The following SMOC1 variants were observed in gnomAD, a reference collection of about 807,000 sequenced individuals.
SMOC1 encodes SPARC-related modular calcium-binding protein 1.
In SMOC1, 22 loss-of-function variants were observed where a neutral mutation model predicts 56.3. The observed-to-expected ratio is 0.39, with a 90% CI of 0.28 to 0.56. SMOC1 has a LOEUF of 0.56. SMOC1 is among the 20% of genes least tolerant of loss of function. The pLI, the probability that SMOC1 is intolerant of heterozygous loss-of-function variation, is 0.61. For missense variants in SMOC1, 509 were observed against 565.4 expected, an observed-to-expected ratio of 0.90 and a Z score of 1.01; for synonymous variants, 193 against 215.0, an observed-to-expected ratio of 0.90 and a Z score of 0.89.
At chr14:70,027,091 A>G (rs112015029) in intron 11 of SMOC1, among the ~76,000 whole-genome samples, 1,681 of 152,278 alleles carry the variant, frequency 0.011, 29 homozygotes, top group African/African-American at 0.039. Context: ...TCTCCATTTC[A>G]ACACACACCA....
chr14:70,007,956 GTC>G (rs1219570956), intron 7 of SMOC1, among the ~76,000 whole-genome samples: 10 of 152,108 alleles, frequency 6.6e-5, no homozygotes, highest in Admixed American at 4.6e-4. Flanking sequence ...AATCACTCCT[GTC>G]TCTTTCTTAG....
At chr14:69,912,440 C>T (rs542203035) in intron 1 of SMOC1, among the ~76,000 whole-genome samples, 17 of 152,226 alleles carry the variant, frequency 1.1e-4, no homozygotes, top group Admixed American at 2.0e-4. Flanking sequence ...TTTGTAGAGC[C>T]GGTGTTTTGC....
At chr14:69,919,739 T>C (rs1260128889) in intron 1 of SMOC1, among the ~76,000 whole-genome samples, 1 of 152,162 alleles carries the variant, frequency 6.6e-6, no homozygotes. Flanking sequence ...CCTCATTCAC[T>C]CTCCTGGCTG....
At chr14:70,018,899 G>A (rs1885614219) in intron 10 of SMOC1, among the ~76,000 whole-genome samples, 3 of 152,240 alleles carry the variant, frequency 2.0e-5, no homozygotes, top group Non-Finnish European at 4.4e-5. Flanking sequence ...AGCTGGCGGG[G>A]CCTGGACCCA....
intron 1 of SMOC1, among the ~76,000 whole-genome samples, chr14:69,919,261 C>T (rs1884767909): frequency 6.6e-6 from 1 of 152,158 alleles, no homozygotes. Context: ...TGCTCAGAAA[C>T]TCAGGTATTC....
At chr14:69,889,413 T>A (rs1883900256) in intron 1 of SMOC1, among the ~76,000 whole-genome samples, 1 of 152,232 alleles carries the variant, frequency 6.6e-6, no homozygotes, top group East Asian at 1.9e-4. Flanking sequence ...TATGATGGCA[T>A]GTGTCACCAT....
chr14:69,896,898 A>T (rs1366764111), intron 1 of SMOC1, among the ~76,000 whole-genome samples: 1 of 152,240 alleles, frequency 6.6e-6, no homozygotes, highest in African/African-American at 2.4e-5. Context: ...ATCTAAAGGA[A>T]GCTTGAGTAG....
At chr14:69,901,531 G>A (rs1884241948) in intron 1 of SMOC1, among the ~76,000 whole-genome samples, 1 of 152,124 alleles carries the variant, frequency 6.6e-6, no homozygotes, top group African/African-American at 2.4e-5. Flanking sequence ...GCCTATAATG[G>A]GGCTGTGGAA....
chr14:69,923,670 C>G (rs1359122254), intron 1 of SMOC1, among the ~76,000 whole-genome samples: 1 of 152,216 alleles, frequency 6.6e-6, no homozygotes, highest in Non-Finnish European at 1.5e-5. Flanking sequence ...AGCCCTTACT[C>G]TAGACTCCTA....
At chr14:69,948,752 G>GATA (rs1882886565) in intron 1 of SMOC1, among the ~76,000 whole-genome samples, 1 of 152,118 alleles carries the variant, frequency 6.6e-6, no homozygotes. Flanking sequence ...GAACTTATAC[G>GATA]TGACTTAGGA....
chr14:69,981,119 G>A (rs1179291812), intron 5 of SMOC1, among the ~76,000 whole-genome samples: 1 of 152,078 alleles, frequency 6.6e-6, no homozygotes, highest in Non-Finnish European at 1.5e-5. Flanking sequence ...AGGAGGAAGG[G>A]AGGAGAGAGA....
chr14:70,023,697 C>G (rs1885819574), intron 11 of SMOC1, among the ~76,000 whole-genome samples: 1 of 152,134 alleles, frequency 6.6e-6, no homozygotes, highest in Non-Finnish European at 1.5e-5. Flanking sequence ...TGAGAGTGTG[C>G]TAGGGTGGGC....
chr14:69,950,340 G>T (rs1205643706), intron 1 of SMOC1, among the ~76,000 whole-genome samples: 1 of 152,146 alleles, frequency 6.6e-6, no homozygotes, highest in African/African-American at 2.4e-5. Flanking sequence ...CCAGTGTGGG[G>T]TGTGTATTTC....
intron 1 of SMOC1, among the ~76,000 whole-genome samples, chr14:69,902,805 A>G (rs1295439592): frequency 1.3e-5 from 2 of 152,018 alleles, no homozygotes; most frequent in East Asian, 1.9e-4. Context: ...TTTTTGGTGG[A>G]GACGGGGTTT....
At position 69,893,704 on chromosome 14, in the gene SMOC1, T is replaced by G. The variant is rs531871960; in HGVS notation, c.99+13927T>G. Among the ~76,000 whole-genome samples the G allele has an allele frequency of 1.0e-3, 156 of 152,296 alleles. 1 individual carries two copies. The highest frequency in any genetic ancestry group is 3.7e-3 in the African/African-American group (152 of 41,570). On this transcript the variant is annotated intron_variant, in intron 1 of 11. Coordinates refer to ENST00000361956, the MANE Select transcript of SMOC1 (RefSeq NM_001034852.3). ...AACTGGCTTATACAGTGAAGGAGAT[T>G]CATTGGCTCAAGTAGCAGAAAGTAC...
At chr14:69,973,545 A>G (rs947649401) in intron 3 of SMOC1, among the ~76,000 whole-genome samples, 1 of 152,172 alleles carries the variant, frequency 6.6e-6, no homozygotes, top group Non-Finnish European at 1.5e-5. Flanking sequence ...AACCATGGCC[A>G]TGAGATGAAG....
At chr14:69,998,548 GAATTAGGTTTCATCT>G (rs1332828706) in intron 7 of SMOC1, among the ~76,000 whole-genome samples, 8 of 151,752 alleles carry the variant, frequency 5.3e-5, no homozygotes, top group Non-Finnish European at 8.8e-5. Flanking sequence ...TAAGTGACAA[GAATTAGGTTTCATCT>G]AATTCTTCAC....
intron 5 of SMOC1, among the ~76,000 whole-genome samples, chr14:69,985,027 C>T (rs1884316593): frequency 6.7e-6 from 1 of 148,896 alleles, no homozygotes; most frequent in African/African-American, 2.5e-5. Context: ...GAGTGAGACC[C>T]TGTCTCAAAA....
At chr14:69,901,039 T>C (rs909546967) in intron 1 of SMOC1, among the ~76,000 whole-genome samples, 6 of 152,356 alleles carry the variant, frequency 3.9e-5, no homozygotes, top group South Asian at 2.1e-4. Context: ...AAAAAGATGA[T>C]GTCCAATTCC....
Sources: gnomAD v4.1 joint callset for allele counts (sites outside exome capture counted in the v4.1 genomes callset) on GRCh38, gnomAD v4.1.1 for gene constraint, MANE v1.5 for transcripts, NCBI Gene and HGNC (gene_info 2026-07-23, HGNC 2026-07-21) for gene names.